The following MYO16 variants were observed in gnomAD, a reference collection of about 807,000 sequenced individuals.
The protein encoded by MYO16 is unconventional myosin-XVI.
A neutral mutation model predicts 205.3 loss-of-function variants in MYO16; 94 were observed. That is an observed-to-expected ratio of 0.46 (90% CI 0.39 to 0.54). The LOEUF (loss-of-function observed/expected upper bound fraction) is 0.54. MYO16 is among the 20% of genes least tolerant of loss of function. The pLI is 0.00. For missense variants in MYO16, 2,315 were observed against 2,387.5 expected, an observed-to-expected ratio of 0.97 and a Z score of 0.63; for synonymous variants, 988 against 954.0, an observed-to-expected ratio of 1.04 and a Z score of -0.66.
intron 3 of MYO16, among the ~76,000 whole-genome samples, chr13:108,724,253 G>A (rs187578990): frequency 5.9e-5 from 9 of 152,048 alleles, no homozygotes; most frequent in African/African-American, 2.2e-4. Context: ...TGCGAATAAT[G>A]GCAGTTTTAA....
At chr13:108,955,234 C>T (rs1883304050) in intron 16 of MYO16, among the ~76,000 whole-genome samples, 1 of 152,202 alleles carries the variant, frequency 6.6e-6, no homozygotes, top group Non-Finnish European at 1.5e-5. Context: ...TCCCTGTGCA[C>T]CAACTCCACA....
chr13:109,184,196 A>G (rs1469113165), intron 34 of MYO16, among the ~76,000 whole-genome samples: 1 of 152,130 alleles, frequency 6.6e-6, no homozygotes, highest in Non-Finnish European at 1.5e-5. Flanking sequence ...ATAAATATAT[A>G]TTTTATATAA....
At position 108,666,110 on chromosome 13, in the gene MYO16, A is replaced by T; in HGVS notation, c.253A>T (p.Met85Leu). The T allele has an allele frequency of 6.2e-6, 10 of 1,613,652 alleles. No homozygotes were observed. Among genetic ancestry groups the T allele is most frequent in the Non-Finnish European group, 7.6e-6 (9 of 1,179,622 alleles). The change falls in exon 2 of 35, where the codon ATG becomes TTG. Residue 85 changes from methionine to leucine, a missense_variant. Physicochemically the swap from Met to Leu is conservative, Grantham distance 15. Coordinates refer to ENST00000457511, the MANE Select transcript of MYO16 (RefSeq NM_001198950.3). ...NPKVHFNLTD[M>L]LQDAIIHHND... ...GAAAGTTCACTTCAACCTCACGGACATGCTACAGGACGCGATTATCCACCA... is the reference window on the plus strand; with the variant it reads ...GAAAGTTCACTTCAACCTCACGGACTTGCTACAGGACGCGATTATCCACCA...
the MYO16 span, among the ~76,000 whole-genome samples, chr13:108,582,321 A>G: frequency 6.6e-6 from 1 of 152,142 alleles, no homozygotes; most frequent in African/African-American, 2.4e-5. Context: ...TTGATTTGGT[A>G]CAAGTCTACC....
intron 5 of MYO16, among the ~76,000 whole-genome samples, chr13:108,790,137 C>T (rs1308107568): frequency 1.3e-5 from 2 of 152,184 alleles, no homozygotes; most frequent in African/African-American, 2.4e-5. Context: ...CTCGGGAGAG[C>T]GCGCAGCTGT....
intron 23 of MYO16, among the ~76,000 whole-genome samples, chr13:109,028,098 T>C (rs1055033654): frequency 2.0e-5 from 3 of 152,082 alleles, no homozygotes; most frequent in African/African-American, 7.2e-5. Context: ...CTGGTATCAC[T>C]TTAGTAGATG....
intron 33 of MYO16, among the ~76,000 whole-genome samples, chr13:109,177,502 TTTATTTATTTATTTA>T (rs1879256822): frequency 6.6e-6 from 1 of 150,690 alleles, no homozygotes; most frequent in South Asian, 2.1e-4. Context: ...ATTTTATGTA[TTTATTTATTTATTTA>T]TTATTTATTT....
chr13:109,141,370 G>A lies in MYO16; in HGVS notation c.5158G>A (p.Ala1720Thr). The A allele has an allele frequency of 6.5e-7, 1 of 1,529,362 alleles. No individual in the cohort carries two copies. Among genetic ancestry groups the A allele is most frequent in the Non-Finnish European group, 8.8e-7 (1 of 1,140,416 alleles). The allele number at this position is 1,529,362 out of a possible 1,614,324, so 94.7% of individuals were successfully genotyped here. Residue 1720 changes from alanine to threonine, a missense_variant, in exon 32 of 35, where the codon GCA becomes ACA. Transcript: ENST00000457511. The surrounding 1 kb of genome is among the most constrained non-coding windows in gnomAD (Gnocchi z 4.1). ...KSAAGRKIRE[A>T]EGFETNMNIS... ...CGCGGCGGGAAGAAAAATCAGGGAA[G>A]CAGAAGGTAAGCGGAGCAGACATCC...
chr13:108,506,235 G>A, the MYO16 span, among the ~76,000 whole-genome samples: 1 of 151,940 alleles, frequency 6.6e-6, no homozygotes, highest in Non-Finnish European at 1.5e-5. Flanking sequence ...TGTTGAATTT[G>A]TGTCTTACTT....
chr13:109,097,269 C>G (rs907914504), intron 27 of MYO16, among the ~76,000 whole-genome samples: 2 of 152,014 alleles, frequency 1.3e-5, no homozygotes, highest in Non-Finnish European at 2.9e-5. Flanking sequence ...GCAGAGGTTG[C>G]GGTCAGCCGA....
intron 23 of MYO16, among the ~76,000 whole-genome samples, chr13:109,039,405 G>C (rs1886814253): frequency 6.6e-6 from 1 of 152,058 alleles, no homozygotes; most frequent in African/African-American, 2.4e-5. Flanking sequence ...TATTCTTTTC[G>C]AGTACCCATG....
chr13:109,015,433 T>G (rs1271679986), intron 22 of MYO16, among the ~76,000 whole-genome samples: 2 of 152,174 alleles, frequency 1.3e-5, no homozygotes, highest in African/African-American at 4.8e-5. Context: ...CCTTTTTTGT[T>G]GTGTCTCTGC....
chr13:108,787,881 T>C (rs573132552), intron 5 of MYO16, among the ~76,000 whole-genome samples: 148 of 152,356 alleles, frequency 9.7e-4, no homozygotes, highest in African/African-American at 3.4e-3. Flanking sequence ...CTGCTTCTGC[T>C]TATGTTGGTC....
At chr13:108,870,363 T>TA (rs893198241) in intron 12 of MYO16, among the ~76,000 whole-genome samples, 1 of 152,178 alleles carries the variant, frequency 6.6e-6, no homozygotes, top group South Asian at 2.1e-4. Context: ...TTTTTTTTAT[T>TA]AAAAAAATCT....
At chr13:108,613,296 A>T (rs974246766) in intron 1 of MYO16, among the ~76,000 whole-genome samples, 1 of 152,206 alleles carries the variant, frequency 6.6e-6, no homozygotes, top group African/African-American at 2.4e-5. Context: ...GGAAATATGT[A>T]AATGACTGAT....
chr13:109,161,584 TGTAAG>T (rs1287220865), intron 32 of MYO16, among the ~76,000 whole-genome samples: 4 of 152,226 alleles, frequency 2.6e-5, no homozygotes, highest in Admixed American at 6.5e-5. Context: ...TGGTAACTAT[TGTAAG>T]AGCAATGTGA....
intron 6 of MYO16, among the ~76,000 whole-genome samples, chr13:108,800,653 C>T (rs929995903): frequency 4.6e-5 from 7 of 152,110 alleles, no homozygotes; most frequent in Non-Finnish European, 1.0e-4. Flanking sequence ...AATTATTGGT[C>T]AACAATCCTG....
intron 1 of MYO16, among the ~76,000 whole-genome samples, chr13:108,624,293 G>A (rs575138116): frequency 1.1e-4 from 16 of 152,218 alleles, no homozygotes; most frequent in African/African-American, 3.1e-4. Context: ...AACAGTAATC[G>A]CTAAACTTGC....
intron 1 of MYO16, among the ~76,000 whole-genome samples, chr13:108,620,032 G>T (rs1233690717): frequency 6.6e-6 from 1 of 152,078 alleles, no homozygotes; most frequent in East Asian, 1.9e-4. Flanking sequence ...ACAGAGTCAT[G>T]CTCCTTTATG....
Sources: gnomAD v4.1 joint callset for allele counts (sites outside exome capture counted in the v4.1 genomes callset) on GRCh38, gnomAD v4.1.1 for gene constraint, Gnocchi (gnomAD v3.1) non-coding constraint, MANE v1.5 for transcripts, NCBI Gene and HGNC (gene_info 2026-07-23, HGNC 2026-07-21) for gene names.